The following CA12 variants were observed in gnomAD, a reference collection of about 807,000 sequenced individuals.
CA12 encodes carbonic anhydrase 12, also known as carbonate dehydratase XII.
A neutral mutation model predicts 46.8 loss-of-function variants in CA12; 36 were observed. The ratio of observed to expected loss-of-function variants is 0.77; its 90% CI spans 0.59 to 1.02. The LOEUF is 1.02. Ranked by LOEUF, CA12 falls within the 50% of genes least tolerant of loss-of-function variation. The pLI, the probability that CA12 is intolerant of heterozygous loss-of-function variation, is 0.00. For missense variants in CA12, 436 were observed against 451.4 expected, an observed-to-expected ratio of 0.97 and a Z score of 0.31; for synonymous variants, 202 against 187.0, an observed-to-expected ratio of 1.08 and a Z score of -0.65.
chr15:63,370,500 C>T (rs887604491), intron 2 of CA12, among the ~76,000 whole-genome samples: 4 of 150,998 alleles, frequency 2.6e-5, no homozygotes, highest in African/African-American at 4.9e-5. Context: ...GGGCGGGGCA[C>T]GGTGGCTCAT....
rs1218122295 is a variant in CA12 at position 63,374,097 on chromosome 15, G to C, written c.106+1561C>G. ...ACCAAGTAACTCTTCCTAAAACACA[G>C]ACTTACTCCCTGCCCTGCCCCTCCA... is the stretch of plus-strand genomic sequence containing the variant. On this transcript the variant is annotated intron_variant, in intron 2 of 10. Transcript: ENST00000178638. This position sits in a 1 kb window ranked among gnomAD's most constrained non-coding sequence, Gnocchi z 4.4. Among the ~76,000 whole-genome samples the C allele has an allele frequency of 6.6e-6, 1 of 151,958 alleles. No individual in the cohort carries two copies. The highest frequency in any genetic ancestry group is 2.4e-5 in the African/African-American group (1 of 41,360).
chr15:63,369,157 T>A (rs1450617837), intron 2 of CA12, among the ~76,000 whole-genome samples: 7 of 152,248 alleles, frequency 4.6e-5, no homozygotes. Flanking sequence ...TTGTGTTTTT[T>A]AAATTCCTTT....
rs1380832415 is a variant in CA12 at position 63,373,116 on chromosome 15, A to C, written c.106+2542T>G. On this transcript the variant is annotated intron_variant, in intron 2 of 10. Coordinates refer to ENST00000178638, the MANE Select transcript of CA12 (RefSeq NM_001218.5). The surrounding 1 kb of genome is among the most constrained non-coding windows in gnomAD (Gnocchi z 4.9). Reference sequence around the variant, plus strand: ...ATGGTGGCTCACACCTGTAATCCCAACACTTTGAGAGGCCGAGGTGGGCAG... The same window carrying C: ...ATGGTGGCTCACACCTGTAATCCCACCACTTTGAGAGGCCGAGGTGGGCAG... 6.6e-6 allele frequency among the ~76,000 whole-genome samples: 1 copy of C among 152,136 alleles called. No individual in the cohort carries two copies. Among genetic ancestry groups the C allele is most frequent in the Non-Finnish European group, 1.5e-5 (1 of 68,028 alleles).
In CA12 at chr15:63,325,934, G is replaced by A. The variant is rs527549738; in HGVS notation, c.*351C>T. 31 of 301,270 alleles carry A rather than the reference G, an allele frequency of 1.0e-4. No individual in the cohort carries two copies. The highest frequency in any genetic ancestry group is 1.0e-3 in the South Asian group (26 of 26,090). The allele number at this position is 301,270 out of a possible 1,614,324, so 18.7% of individuals were successfully genotyped here. A position where few individuals can be genotyped will look rare whatever the true frequency, so the allele number is the denominator to read the frequency against. ...GAATTTCCAGGACACTTGAAAGCAC[G>A]CTCTGGCAAAGCCCCGGATGAAAGT... On this transcript the variant is annotated 3_prime_UTR_variant, in exon 11 of 11. Transcript: ENST00000178638. The surrounding 1 kb of genome is among the most constrained non-coding windows in gnomAD (Gnocchi z 4.9).
At position 63,345,446 on chromosome 15, in the gene CA12, C is replaced by A. The variant is rs747935785; in HGVS notation, c.429+31G>T. 1 of 1,601,682 alleles carries A rather than the reference C, an allele frequency of 6.2e-7. No individual in the cohort carries two copies. The highest frequency in any genetic ancestry group is 8.5e-7 in the Non-Finnish European group (1 of 1,179,526). ...AGGTGCCACACCACCCACTGCAGAG[C>A]AGCCTCTGCCAGACTGGCAGCCCTA... On this transcript the variant is annotated intron_variant, in intron 4 of 10. Transcript: ENST00000178638. The surrounding 1 kb of genome is among the most constrained non-coding windows in gnomAD (Gnocchi z 4.3).
In CA12 at chr15:63,327,430, C is replaced by A. The variant is rs1380749782; in HGVS notation, c.908-197G>T. On this transcript the variant is annotated intron_variant, in intron 9 of 10. Coordinates refer to ENST00000178638, the MANE Select transcript of CA12 (RefSeq NM_001218.5). This position sits in a 1 kb window ranked among gnomAD's most constrained non-coding sequence, Gnocchi z 4.5. ...ATTTTGAGGTGGCCGTTTGCAAATT[C>A]TAGTGGTTTTCCAGCAGATGCTCTC... Among the ~76,000 whole-genome samples the A allele has an allele frequency of 6.6e-6, 1 of 151,600 alleles. No individual in the cohort carries two copies. The highest frequency in any genetic ancestry group is 2.4e-5 in the African/African-American group (1 of 41,216).
intron 2 of CA12, among the ~76,000 whole-genome samples, chr15:63,356,010 A>T (rs549251065): frequency 4.6e-5 from 7 of 152,346 alleles, no homozygotes; most frequent in Admixed American, 2.0e-4. Context: ...TACATGATTA[A>T]ATATGGTGTT....
chr15:63,381,556 A>T, intron 1 of CA12, 80 bp downstream of exon 1: 2 of 1,125,582 alleles, frequency 1.8e-6, no homozygotes, highest in South Asian at 1.3e-5. Flanking sequence ...CAATGATTTT[A>T]CTTTATCATT....
rs1312302046 is a variant in CA12 at position 63,355,373 on chromosome 15, T to A, written c.107-8664A>T. Among the ~76,000 whole-genome samples the A allele has an allele frequency of 6.6e-6, 1 of 152,222 alleles. No homozygotes were observed. The highest frequency in any genetic ancestry group is 1.5e-5 in the Non-Finnish European group (1 of 68,036). On this transcript the variant is annotated intron_variant, in intron 2 of 10. Transcript: ENST00000178638. The surrounding 1 kb of genome is among the most constrained non-coding windows in gnomAD (Gnocchi z 4.1). ...ATTGTCTGCCTTTCCACCCCAGTAG[T>A]CCAGTGGTTCTCAAAGCGTGGCTCC...
At position 63,355,744 on chromosome 15, in the gene CA12, A is replaced by G. The variant is rs2039287210; in HGVS notation, c.107-9035T>C. On this transcript the variant is annotated intron_variant, in intron 2 of 10. Coordinates refer to ENST00000178638, the MANE Select transcript of CA12 (RefSeq NM_001218.5). This position sits in a 1 kb window ranked among gnomAD's most constrained non-coding sequence, Gnocchi z 4.1. ...CTATCATGAAAACTAGCCAGGCCTG[A>G]GCCCCCCATCAGTGCTCACCACATG... 6.7e-6 allele frequency among the ~76,000 whole-genome samples: 1 copy of G among 149,500 alleles called. No individual in the cohort carries two copies. The highest frequency in any genetic ancestry group is 1.5e-5 in the Non-Finnish European group (1 of 68,030).
At chr15:63,332,004 G>A (rs1197616335) in intron 8 of CA12, among the ~76,000 whole-genome samples, 3 of 152,122 alleles carry the variant, frequency 2.0e-5, no homozygotes, top group African/African-American at 7.2e-5. Context: ...TTATTTTAAA[G>A]TACACACTGT....
intron 8 of CA12, among the ~76,000 whole-genome samples, chr15:63,334,358 T>A (rs535905163): frequency 6.9e-6 from 1 of 145,354 alleles, no homozygotes; most frequent in African/African-American, 2.5e-5. Flanking sequence ...TGGGTTCAAG[T>A]GATTCTCCTG....
At position 63,338,761 on chromosome 15, in the gene CA12, C is replaced by T. The variant is rs1357945291; in HGVS notation, c.874+58G>A. On this transcript the variant is annotated intron_variant, in intron 8 of 10. Transcript: ENST00000178638. ...TGCCAGAGCTGCATTCACAGAAGAT[C>T]CCAATGTCTTGGCACCACACTCCCG... The T allele has an allele frequency of 3.0e-5, 49 of 1,608,830 alleles. 1 individual carries two copies. Among genetic ancestry groups the T allele is most frequent in the Non-Finnish European group, 4.0e-5 (47 of 1,177,126 alleles).
chr15:63,347,287 T>C (rs1378194257), intron 2 of CA12, among the ~76,000 whole-genome samples: 1 of 152,240 alleles, frequency 6.6e-6, no homozygotes, highest in Admixed American at 6.5e-5. Context: ...CCAACCTAAA[T>C]AGGTCTTTGT....
chr15:63,366,444 G>A (rs2039435854), intron 2 of CA12, among the ~76,000 whole-genome samples: 1 of 152,134 alleles, frequency 6.6e-6, no homozygotes, highest in Non-Finnish European at 1.5e-5. Context: ...TACTGAGTGA[G>A]GTCTCTCTCC....
chr15:63,375,752 T>C, intron 1 of CA12, 74 bp from the exon 2 acceptor site: 1 of 1,102,122 alleles, frequency 9.1e-7, no homozygotes, highest in East Asian at 2.4e-5. Context: ...AGATTTTGTT[T>C]TGATATGAGC....
rs1455716309 is a variant in CA12, at chr15:63,324,212, C to G, written c.*2073G>C. On this transcript the variant is annotated 3_prime_UTR_variant, in exon 11 of 11. Coordinates refer to ENST00000178638, the MANE Select transcript of CA12 (RefSeq NM_001218.5). ...CTCGGGGCTGCAATCCAGGGCTGTGCTGAGCAGCAAGAGGAGAGGAGAAAT... is the reference window on the plus strand; with the variant it reads ...CTCGGGGCTGCAATCCAGGGCTGTGGTGAGCAGCAAGAGGAGAGGAGAAAT... 1 of 152,264 alleles carries G rather than the reference C, an allele frequency of 6.6e-6. No homozygotes were observed. Among genetic ancestry groups the G allele is most frequent in the Non-Finnish European group, 1.5e-5 (1 of 68,082 alleles). 9.4% of individuals were successfully genotyped at this position (152,264 alleles called of 1,614,324 possible).
intron 8 of CA12, among the ~76,000 whole-genome samples, chr15:63,336,245 A>C (rs2039001809): frequency 6.6e-6 from 1 of 152,208 alleles, no homozygotes; most frequent in African/African-American, 2.4e-5. Context: ...GACTGGGAGA[A>C]TCTACTGAAG....
In CA12 at chr15:63,327,719, C is replaced by G. The variant is rs2038886558; in HGVS notation, c.907+379G>C. ...TGGCTGTCTCCATCAGTTTTGCCCC[C>G]AAGTTCCATTGCACAGTCCTAAGCA... On this transcript the variant is annotated intron_variant, in intron 9 of 10. Transcript: ENST00000178638. This position sits in a 1 kb window ranked among gnomAD's most constrained non-coding sequence, Gnocchi z 4.5. 6.6e-6 allele frequency among the ~76,000 whole-genome samples: 1 copy of G among 152,158 alleles called. No homozygotes were observed. The highest frequency in any genetic ancestry group is 2.4e-5 in the African/African-American group (1 of 41,430).
Sources: allele counts gnomAD v4.1 joint callset (sites outside exome capture counted in the v4.1 genomes callset), GRCh38; gene constraint gnomAD v4.1.1; non-coding constraint Gnocchi (gnomAD v3.1); transcripts MANE v1.5; gene names NCBI Gene and HGNC (gene_info 2026-07-23, HGNC 2026-07-21).